The following CHSY3 variants were observed in gnomAD, a reference collection of about 807,000 sequenced individuals.
CHSY3 encodes chondroitin sulfate synthase 3, also known as N-acetylgalactosaminyl-proteoglycan 3-beta-glucuronosyltransferase 3.
CHSY3 carries 35 observed loss-of-function variants against 67.2 expected under a neutral mutation model. The observed-to-expected ratio is 0.52, with a 90% CI of 0.40 to 0.69. CHSY3 has a LOEUF of 0.69. Among genes scored for constraint, CHSY3 ranks in the 30% least tolerant of loss-of-function variants. The probability of loss-of-function intolerance (pLI) is 0.00; values close to 1 mark genes in which losing one functional copy is unlikely to be tolerated. For missense variants in CHSY3, 1,069 were observed against 1,138.5 expected (o/e 0.94, Z 0.88); for synonymous variants, 474 against 434.7 (o/e 1.09, Z -1.12).
At chr5:130,005,406 T>C (rs1260761560) in intron 2 of CHSY3, among the ~76,000 whole-genome samples, 1 of 145,790 alleles carries the variant, frequency 6.9e-6, no homozygotes, top group African/African-American at 2.6e-5. Context: ...AGAGTGAGAC[T>C]CTGTGAAAAA....
intron 2 of CHSY3, among the ~76,000 whole-genome samples, chr5:130,062,514 G>GT (rs771852391): frequency 1.3e-5 from 2 of 152,066 alleles, no homozygotes; most frequent in Non-Finnish European, 2.9e-5. Flanking sequence ...ATATACGCAT[G>GT]TAACAAGCAA....
At chr5:130,172,027 T>C in intron 2 of CHSY3, among the ~76,000 whole-genome samples, 1 of 152,128 alleles carries the variant, frequency 6.6e-6, no homozygotes, top group East Asian at 1.9e-4. Flanking sequence ...GCACTCAGTT[T>C]TTCTTATGTC....
chr5:130,061,843 G>A (rs538874762), intron 2 of CHSY3, among the ~76,000 whole-genome samples: 29 of 151,388 alleles, frequency 1.9e-4, no homozygotes, highest in African/African-American at 6.3e-4. Context: ...AACTAAAACC[G>A]CAATGAAATA....
At chr5:130,129,911 T>C (rs1768425598) in intron 2 of CHSY3, among the ~76,000 whole-genome samples, 1 of 152,152 alleles carries the variant, frequency 6.6e-6, no homozygotes, top group Non-Finnish European at 1.5e-5. Context: ...ATTCATAAAA[T>C]GTAACATTTG....
In CHSY3 at chr5:130,185,487, T is replaced by C; in HGVS notation, c.2345T>C (p.Ile782Thr). ...TTTTGGAGAGACTATGGATATGGCA[T>C]CACCTGTATTTACAAAAGTGATCTT... ...TGFWRDYGYG[I>T]TCIYKSDLLG... The change falls in exon 3 of 3, where the codon ATC becomes ACC. Residue 782 changes from isoleucine (I) to threonine (T), a missense_variant. Coordinates refer to ENST00000305031, the MANE Select transcript of CHSY3 (RefSeq NM_175856.5). 6.2e-7 allele frequency: 1 copy of C among 1,614,156 alleles called. No individual in the cohort carries two copies. Among genetic ancestry groups the C allele is most frequent in the Non-Finnish European group, 8.5e-7 (1 of 1,179,990 alleles).
At chr5:130,062,728 A>G (rs1765754789) in intron 2 of CHSY3, among the ~76,000 whole-genome samples, 1 of 152,034 alleles carries the variant, frequency 6.6e-6, no homozygotes, top group Non-Finnish European at 1.5e-5. Flanking sequence ...AATACAAACT[A>G]TATTTGTTCT....
At chr5:130,049,906 T>C (rs1483087845) in intron 2 of CHSY3, among the ~76,000 whole-genome samples, 2 of 152,048 alleles carry the variant, frequency 1.3e-5, no homozygotes, top group African/African-American at 4.8e-5. Flanking sequence ...TTTGCTCTTT[T>C]CATGAGACAG....
intron 2 of CHSY3, among the ~76,000 whole-genome samples, chr5:130,136,499 GAGTGGTCCCATTTCAAAAGCTACTGAAAT>G (rs554998566): frequency 1.6e-3 from 244 of 152,256 alleles, no homozygotes; most frequent in African/African-American, 5.7e-3. Context: ...AGAAAGAAGA[GAGTGGTCCCATTTCAAAAGCTACTGAAAT>G]AGTCCAGGCA....
intron 2 of CHSY3, among the ~76,000 whole-genome samples, chr5:130,023,200 G>GTTTTGT (rs767898528): frequency 4.0e-5 from 6 of 151,780 alleles, no homozygotes; most frequent in Non-Finnish European, 5.9e-5. Flanking sequence ...TAGTCCTTGA[G>GTTTTGT]TTTTGTTTCT....
chr5:130,069,873 T>C (rs1766004428), intron 2 of CHSY3, among the ~76,000 whole-genome samples: 1 of 152,124 alleles, frequency 6.6e-6, no homozygotes, highest in Non-Finnish European at 1.5e-5. Context: ...TCCTCTGTCA[T>C]AAATTAAATG....
chr5:130,088,483 A>G (rs1352264830), intron 2 of CHSY3, among the ~76,000 whole-genome samples: 1 of 152,154 alleles, frequency 6.6e-6, no homozygotes, highest in South Asian at 2.1e-4. Flanking sequence ...TCATCTGACA[A>G]AGGGCTAATA....
At chr5:129,936,512 C>T (rs1761497970) in intron 2 of CHSY3, among the ~76,000 whole-genome samples, 3 of 152,104 alleles carry the variant, frequency 2.0e-5, no homozygotes. Context: ...TCCCTCCTTG[C>T]TGCTTCAGTG....
chr5:129,906,338 G>A (rs565586686), intron 1 of CHSY3, among the ~76,000 whole-genome samples: 1 of 152,050 alleles, frequency 6.6e-6, no homozygotes, highest in Non-Finnish European at 1.5e-5. Flanking sequence ...TGAGAGGATG[G>A]GCATGTTGTA....
At chr5:130,026,454 A>G (rs1764545723) in intron 2 of CHSY3, among the ~76,000 whole-genome samples, 1 of 152,070 alleles carries the variant, frequency 6.6e-6, no homozygotes, top group Non-Finnish European at 1.5e-5. Flanking sequence ...ATTTCCTTCA[A>G]TAGAATTCAT....
intron 2 of CHSY3, among the ~76,000 whole-genome samples, chr5:129,952,007 A>G (rs1762037115): frequency 6.6e-6 from 1 of 152,206 alleles, no homozygotes; most frequent in African/African-American, 2.4e-5. Context: ...ATGTAGAAAA[A>G]TCATTATCAC....
chr5:130,091,811 A>G (rs961588314), intron 2 of CHSY3, among the ~76,000 whole-genome samples: 2 of 152,198 alleles, frequency 1.3e-5, no homozygotes, highest in Non-Finnish European at 2.9e-5. Flanking sequence ...CTCAATTTTA[A>G]TGACCTCTTT....
chr5:130,081,708 G>A (rs909308161), intron 2 of CHSY3, among the ~76,000 whole-genome samples: 2 of 152,018 alleles, frequency 1.3e-5, no homozygotes, highest in Admixed American at 1.3e-4. Flanking sequence ...CCCTGCACAA[G>A]CGCTCTTGCC....
Position 129,904,532 on chromosome 5 carries a change from G to T in CHSY3, c.-298G>T. The T allele has an allele frequency of 3.2e-6, 1 of 311,862 alleles. No homozygotes were observed. The highest frequency in any genetic ancestry group is 6.1e-5 in the East Asian group (1 of 16,290). The allele number at this position is 311,862 out of a possible 1,614,324, so 19.3% of individuals were successfully genotyped here. The stretch of plus-strand genomic sequence containing the variant: ...CGCTGCTCCTCCTCCTCCTCCTGCA[G>T]CTCCTCCAGCTGCCGCTGCTGCCGC... On this transcript the variant is annotated 5_prime_UTR_variant, in exon 1 of 3. Coordinates refer to ENST00000305031, the MANE Select transcript of CHSY3 (RefSeq NM_175856.5).
At chr5:129,981,146 G>A (rs570323569) in intron 2 of CHSY3, among the ~76,000 whole-genome samples, 5 of 151,736 alleles carry the variant, frequency 3.3e-5, no homozygotes, top group African/African-American at 7.3e-5. Context: ...GCGTGAACCC[G>A]GGGGGCGGAG....
Sources: allele counts gnomAD v4.1 joint callset (sites outside exome capture counted in the v4.1 genomes callset), GRCh38; gene constraint gnomAD v4.1.1; transcripts MANE v1.5; gene names NCBI Gene and HGNC (gene_info 2026-07-23, HGNC 2026-07-21).